Variants in CPQ observed in about 807,000 individuals in gnomAD.
CPQ encodes carboxypeptidase Q, also known as Ser-Met dipeptidase.
In CPQ, 37 loss-of-function variants were observed where a neutral mutation model predicts 45.7. The ratio of observed to expected loss-of-function variants is 0.81; its 90% CI spans 0.62 to 1.07. The LOEUF is 1.07. CPQ is among the 50% of genes least tolerant of loss of function. CPQ has a pLI of 0.00. For missense variants in CPQ, 537 were observed against 572.9 expected, an observed-to-expected ratio of 0.94 and a Z score of 0.64; for synonymous variants, 186 against 205.8, an observed-to-expected ratio of 0.90 and a Z score of 0.82.
chr8:96,945,053 C>T (rs943198135), intron 4 of CPQ, among the ~76,000 whole-genome samples: 3 of 152,098 alleles, frequency 2.0e-5, no homozygotes, highest in East Asian at 3.9e-4. Flanking sequence ...GCTTAAAGCT[C>T]GTGGAAAAGC....
chr8:97,014,645 A>G (rs1305321296), intron 5 of CPQ, among the ~76,000 whole-genome samples: 2 of 151,342 alleles, frequency 1.3e-5, no homozygotes, highest in African/African-American at 4.8e-5. Flanking sequence ...CCATCTCAAA[A>G]AAAAAAAAAA....
intron 1 of CPQ, among the ~76,000 whole-genome samples, chr8:96,702,619 A>G (rs1045338025): frequency 1.3e-5 from 2 of 152,226 alleles, no homozygotes; most frequent in African/African-American, 4.8e-5. Context: ...CTCATGAGGT[A>G]GGCGATGGTA....
chr8:96,689,933 A>G (rs969352474), intron 1 of CPQ, among the ~76,000 whole-genome samples: 1 of 151,892 alleles, frequency 6.6e-6, no homozygotes, highest in Non-Finnish European at 1.5e-5. Context: ...GTCCTTCATA[A>G]TTCTTACTTT....
intron 1 of CPQ, among the ~76,000 whole-genome samples, chr8:96,675,756 G>A: frequency 6.6e-6 from 1 of 151,952 alleles, no homozygotes; most frequent in East Asian, 1.9e-4. Flanking sequence ...GTTTTAGTTT[G>A]TGTTTTTATC....
chr8:96,854,531 A>AAAAAAAAAAAAAAAAAAC, intron 3 of CPQ, among the ~76,000 whole-genome samples: 1 of 54,104 alleles, frequency 1.8e-5, no homozygotes, highest in Non-Finnish European at 3.5e-5. Flanking sequence ...ACTCCGTCTC[A>AAAAAAAAAAAAAAAAAAC]AAAAAAAAAA....
intron 3 of CPQ, among the ~76,000 whole-genome samples, chr8:96,877,357 T>C (rs1291328715): frequency 1.3e-5 from 2 of 152,146 alleles, no homozygotes; most frequent in Admixed American, 6.5e-5. Flanking sequence ...TGTCCCCACT[T>C]TAAGAAGTCT....
chr8:96,664,702 A>G (rs1399000221), intron 1 of CPQ, among the ~76,000 whole-genome samples: 2 of 152,356 alleles, frequency 1.3e-5, no homozygotes, highest in South Asian at 2.1e-4. Context: ...TAAGGTGCTA[A>G]TGAAAATGCT....
intron 5 of CPQ, among the ~76,000 whole-genome samples, chr8:97,024,569 ATAAT>A (rs1331223419): frequency 2.0e-5 from 3 of 152,212 alleles, no homozygotes; most frequent in Admixed American, 6.5e-5. Context: ...CTTCACTAAA[ATAAT>A]TAATTTTTGT....
intron 4 of CPQ, among the ~76,000 whole-genome samples, chr8:96,898,735 C>A (rs1294766844): frequency 6.8e-6 from 1 of 147,978 alleles, no homozygotes; most frequent in Admixed American, 6.8e-5. Flanking sequence ...ATGTAACTAA[C>A]CTGCACAATG....
At chr8:97,123,145 A>T (rs1473981741) in intron 7 of CPQ, among the ~76,000 whole-genome samples, 1 of 87,338 alleles carries the variant, frequency 1.1e-5, no homozygotes, top group African/African-American at 5.8e-5. Context: ...AAATAAAATA[A>T]AATAAATAAA....
chr8:97,016,968 T>A (rs1018008268), intron 5 of CPQ, among the ~76,000 whole-genome samples: 3 of 152,004 alleles, frequency 2.0e-5, no homozygotes, highest in African/African-American at 4.8e-5. Flanking sequence ...GAACTTTTAC[T>A]CAACAATGAC....
At chr8:97,020,797 A>G (rs536031804) in intron 5 of CPQ, among the ~76,000 whole-genome samples, 53 of 152,304 alleles carry the variant, frequency 3.5e-4, no homozygotes, top group African/African-American at 1.3e-3. Flanking sequence ...AGACATTCAA[A>G]GAAGAATTGG....
intron 5 of CPQ, among the ~76,000 whole-genome samples, chr8:96,970,143 A>G (rs771945704): frequency 2.0e-5 from 3 of 152,228 alleles, no homozygotes; most frequent in Non-Finnish European, 4.4e-5. Flanking sequence ...GAAAAGCCCC[A>G]GGAAATGTAA....
chr8:96,960,932 A>T (rs540329612), intron 4 of CPQ, among the ~76,000 whole-genome samples: 1 of 152,270 alleles, frequency 6.6e-6, no homozygotes, highest in African/African-American at 2.4e-5. Flanking sequence ...TTGTATGACT[A>T]TTCCACAATG....
At chr8:96,929,351 C>T (rs1812940674) in intron 4 of CPQ, among the ~76,000 whole-genome samples, 1 of 152,160 alleles carries the variant, frequency 6.6e-6, no homozygotes, top group Non-Finnish European at 1.5e-5. Context: ...AGATGTTCTG[C>T]TCTGTTTGAA....
At chr8:97,117,607 A>G (rs1429762861) in intron 7 of CPQ, among the ~76,000 whole-genome samples, 1 of 152,122 alleles carries the variant, frequency 6.6e-6, no homozygotes, top group East Asian at 1.9e-4. Context: ...ACCACATCTC[A>G]TTACAGTCTC....
chr8:96,902,301 A>C (rs1284835226), intron 4 of CPQ, among the ~76,000 whole-genome samples: 1 of 152,216 alleles, frequency 6.6e-6, no homozygotes, highest in East Asian at 1.9e-4. Flanking sequence ...CAATATTATT[A>C]TCAAAACTAT....
intron 2 of CPQ, among the ~76,000 whole-genome samples, chr8:96,792,841 G>A (rs1305972313): frequency 2.6e-5 from 4 of 152,186 alleles, no homozygotes; most frequent in East Asian, 1.9e-4. Context: ...ATTTATAGAC[G>A]AAAGAGGTTT....
At chr8:96,991,099 G>A (rs945053966) in intron 5 of CPQ, among the ~76,000 whole-genome samples, 2 of 152,224 alleles carry the variant, frequency 1.3e-5, no homozygotes, top group Middle Eastern at 3.4e-3. Flanking sequence ...TTAGAGACAG[G>A]CATCCAGGCA....
Sources: allele counts gnomAD v4.1 joint callset (sites outside exome capture counted in the v4.1 genomes callset), GRCh38; gene constraint gnomAD v4.1.1; transcripts MANE v1.5; gene names NCBI Gene and HGNC (gene_info 2026-07-23, HGNC 2026-07-21).